Variants in EXOC6B observed in about 807,000 individuals in gnomAD.
EXOC6B encodes the protein SEC15 homolog B.
Under a neutral mutation model 113.5 loss-of-function variants are expected in EXOC6B, and 54 were observed. The ratio of observed to expected loss-of-function variants is 0.48; its 90% CI spans 0.38 to 0.60. EXOC6B has a LOEUF of 0.60. EXOC6B is among the 20% of genes least tolerant of loss of function. EXOC6B has a pLI of 0.00. For missense variants in EXOC6B, 797 were observed against 977.5 expected (o/e 0.82, Z 2.46); for synonymous variants, 357 against 339.0 (o/e 1.05, Z -0.58).
At chr2:72,604,827 T>G (rs1670648579) in intron 6 of EXOC6B, among the ~76,000 whole-genome samples, 1 of 152,222 alleles carries the variant, frequency 6.6e-6, no homozygotes, top group East Asian at 1.9e-4. Context: ...AGACCAGCTT[T>G]TACACAAATT....
At chr2:72,183,731 C>T (rs548210920) in intron 21 of EXOC6B, among the ~76,000 whole-genome samples, 2 of 152,132 alleles carry the variant, frequency 1.3e-5, no homozygotes, top group Non-Finnish European at 2.9e-5. Flanking sequence ...TCATTCTGTT[C>T]ACCAGGCTGG....
intron 19 of EXOC6B, among the ~76,000 whole-genome samples, chr2:72,375,513 A>C (rs998066802): frequency 2.0e-5 from 3 of 152,230 alleles, no homozygotes; most frequent in African/African-American, 4.8e-5. Flanking sequence ...GTATTAATGT[A>C]TCTAAAAATT....
intron 18 of EXOC6B, among the ~76,000 whole-genome samples, chr2:72,447,937 C>T (rs1254859554): frequency 1.3e-5 from 2 of 152,156 alleles, no homozygotes; most frequent in Non-Finnish European, 1.5e-5. Flanking sequence ...TAAATGATTT[C>T]TTGGCCATCA....
At chr2:72,657,225 CTTT>C (rs70963135) in intron 6 of EXOC6B, among the ~76,000 whole-genome samples, 1 of 120,074 alleles carries the variant, frequency 8.3e-6, no homozygotes, top group Non-Finnish European at 1.7e-5. Context: ...CCACAACTGT[CTTT>C]TTTTTTTTTT....
chr2:72,629,646 T>C (rs1672267049), intron 6 of EXOC6B, among the ~76,000 whole-genome samples: 1 of 152,226 alleles, frequency 6.6e-6, no homozygotes. Context: ...CATTGTGCCT[T>C]ATAATCAACC....
At chr2:72,574,769 A>T (rs918251057) in intron 7 of EXOC6B, among the ~76,000 whole-genome samples, 1 of 152,236 alleles carries the variant, frequency 6.6e-6, no homozygotes, top group Non-Finnish European at 1.5e-5. Context: ...ACTCACAAAG[A>T]GACATCCAGT....
chr2:72,757,199 T>C (rs552164114), intron 1 of EXOC6B, among the ~76,000 whole-genome samples: 2 of 152,332 alleles, frequency 1.3e-5, no homozygotes, highest in African/African-American at 4.8e-5. Context: ...AAATTCAGTG[T>C]AACTACAAGT....
intron 20 of EXOC6B, among the ~76,000 whole-genome samples, chr2:72,237,154 T>C (rs1682012788): frequency 6.6e-6 from 1 of 152,130 alleles, no homozygotes; most frequent in African/African-American, 2.4e-5. Context: ...CAAAAATATT[T>C]ATGGAGCACA....
At chr2:72,340,552 A>G (rs1208408681) in intron 19 of EXOC6B, among the ~76,000 whole-genome samples, 5 of 152,224 alleles carry the variant, frequency 3.3e-5, no homozygotes, top group Non-Finnish European at 1.5e-5. Context: ...TATTGTTTCC[A>G]GTAAACTTCC....
intron 1 of EXOC6B, 92 bp from the exon 2 acceptor site, chr2:72,741,561 A>T: frequency 8.9e-7 from 1 of 1,123,188 alleles, no homozygotes; most frequent in Non-Finnish European, 1.3e-6. Flanking sequence ...TAGGGCACAT[A>T]AGCCACAAAA....
intron 18 of EXOC6B, among the ~76,000 whole-genome samples, chr2:72,415,992 A>G (rs2105241419): frequency 6.6e-6 from 1 of 152,284 alleles, no homozygotes; most frequent in East Asian, 1.9e-4. Context: ...AAATTCCCAA[A>G]TCACTGTGAC....
chr2:72,324,018 A>T (rs1387006094), intron 20 of EXOC6B, among the ~76,000 whole-genome samples: 1 of 152,142 alleles, frequency 6.6e-6, no homozygotes, highest in Non-Finnish European at 1.5e-5. Context: ...GATTTAAAAA[A>T]AAAGTTAAAT....
In EXOC6B at chr2:72,550,904, A is replaced by ATTTTT. The variant is rs1463200496; in HGVS notation, c.915+8548_915+8549insAAAAA. Among the ~76,000 whole-genome samples the ATTTTT allele has an allele frequency of 1.0e-4, 15 of 149,720 alleles. 1 individual carries two copies. Among genetic ancestry groups the ATTTTT allele is most frequent in the African/African-American group, 3.2e-4 (13 of 40,598 alleles). On this transcript the variant is annotated intron_variant, in intron 8 of 21. Transcript: ENST00000272427. ...ACATAACAATTACGAGATAACTGCCATTTATTTTTTTTTTATTTTTTTTTT... is the reference window on the plus strand; with the variant it reads ...ACATAACAATTACGAGATAACTGCCATTTTTTTTATTTTTTTTTTATTTTTTTTTT...
chr2:72,805,969 T>C (rs934974000), intron 1 of EXOC6B, among the ~76,000 whole-genome samples: 5 of 152,210 alleles, frequency 3.3e-5, no homozygotes, highest in African/African-American at 9.6e-5. Flanking sequence ...ATTTCCTTCT[T>C]TCATAAGGCT....
chr2:72,818,088 T>C (rs540173626), intron 1 of EXOC6B, among the ~76,000 whole-genome samples: 11 of 151,938 alleles, frequency 7.2e-5, no homozygotes, highest in Non-Finnish European at 1.5e-4. Flanking sequence ...TCTCCTGCCT[T>C]AGCCTCCTGA....
chr2:72,406,719 T>C (rs1222634868), intron 18 of EXOC6B, among the ~76,000 whole-genome samples: 1 of 152,088 alleles, frequency 6.6e-6, no homozygotes, highest in Non-Finnish European at 1.5e-5. Context: ...TAGAGGGAAA[T>C]TTATAACACT....
chr2:72,451,247 G>T (rs910179857), intron 18 of EXOC6B, among the ~76,000 whole-genome samples: 6 of 152,142 alleles, frequency 3.9e-5, no homozygotes, highest in Non-Finnish European at 8.8e-5. Flanking sequence ...CTTACAAAAG[G>T]TTCATGTCAA....
intron 8 of EXOC6B, chr2:72,515,599 G>A: frequency 1.0e-6 from 1 of 997,128 alleles, no homozygotes; most frequent in Non-Finnish European, 1.2e-6. Flanking sequence ...TCCCCCTTAG[G>A]TTATAATCCA....
intron 18 of EXOC6B, among the ~76,000 whole-genome samples, chr2:72,438,506 A>G (rs1420418750): frequency 1.3e-5 from 2 of 152,128 alleles, no homozygotes; most frequent in Non-Finnish European, 2.9e-5. Flanking sequence ...TTACTCAGGA[A>G]GCTGAGGTGG....
Sources: gnomAD v4.1 joint callset for allele counts (sites outside exome capture counted in the v4.1 genomes callset) on GRCh38, gnomAD v4.1.1 for gene constraint, MANE v1.5 for transcripts, NCBI Gene and HGNC (gene_info 2026-07-23, HGNC 2026-07-21) for gene names.